Variants in TEP1 observed in about 807,000 individuals in gnomAD.
TEP1 encodes the protein telomerase associated protein 1, also known as telomerase protein component 1.
Under a neutral mutation model 306.3 loss-of-function variants are expected in TEP1, and 241 were observed. That is an observed-to-expected ratio of 0.79 (90% confidence interval 0.71 to 0.88). The LOEUF (loss-of-function observed/expected upper bound fraction) is 0.88, where lower values mean the gene tolerates loss of function less well. Ranked by LOEUF, TEP1 falls within the 40% of genes least tolerant of loss-of-function variation. The probability of loss-of-function intolerance (pLI) is 0.00; values close to 1 mark genes in which losing one functional copy is unlikely to be tolerated. For synonymous variants in TEP1, 1,289 were observed against 1,305.5 expected (o/e 0.99, Z 0.27); for missense variants, 3,051 against 3,276.1 (o/e 0.93, Z 1.68).
intron 41 of TEP1, 48 bp downstream of exon 41, chr14:20,377,232 A>C (rs1885229561): frequency 1.4e-6 from 2 of 1,471,446 alleles, no homozygotes. Context: ...AAAAAAAAGA[A>C]AAGAAAAGAA....
At chr14:20,379,154 C>A in intron 35 of TEP1, 49 bp from the exon 36 acceptor site, 2 of 1,601,470 alleles carry the variant, frequency 1.2e-6, no homozygotes, top group Non-Finnish European at 1.7e-6. Flanking sequence ...CCTTGACCCT[C>A]CAAGTCCCAC....
At chr14:20,377,159 G>A in intron 41 of TEP1, 121 bp downstream of exon 41, 1 of 789,348 alleles carries the variant, frequency 1.3e-6, no homozygotes, top group Non-Finnish European at 1.9e-6. Flanking sequence ...AAGTTGCAGT[G>A]AGCCGAGACC....
rs543245970 is a variant in TEP1, at chr14:20,403,018, G to A, written c.1266+359C>T. Among the ~76,000 whole-genome samples the A allele has an allele frequency of 4.8e-4, 73 of 152,044 alleles. 1 individual carries two copies. The highest frequency in any genetic ancestry group is 1.7e-3 in the African/African-American group (69 of 41,470). ...CTAAAAACACAAAAATTAGCCAAGC[G>A]TGGTGGCACACGCCTGTAGTCCCAG... On this transcript the variant is annotated intron_variant, in intron 7 of 54. Coordinates refer to ENST00000262715, the MANE Select transcript of TEP1 (RefSeq NM_007110.5).
intron 1 of TEP1, among the ~76,000 whole-genome samples, chr14:20,411,671 G>A (rs1205172738): frequency 6.9e-6 from 1 of 145,882 alleles, no homozygotes; most frequent in Non-Finnish European, 1.5e-5. Context: ...AAGCTATGGA[G>A]CTTTTTCACA....
chr14:20,395,396 G>A (rs1878109242), intron 12 of TEP1, 54 bp downstream of exon 12: 2 of 1,499,070 alleles, frequency 1.3e-6, no homozygotes, highest in Non-Finnish European at 1.8e-6. Flanking sequence ...CTTCCAACCT[G>A]TGCCAGGGTA....
At chr14:20,391,893 T>A in intron 12 of TEP1, 126 bp from the exon 13 acceptor site, 1 of 963,172 alleles carries the variant, frequency 1.0e-6, no homozygotes, top group South Asian at 1.6e-5. Flanking sequence ...CATACCCGCT[T>A]CCACAGCCCA....
intron 18 of TEP1, 105 bp from the exon 19 acceptor site, chr14:20,386,728 A>G: frequency 7.8e-7 from 1 of 1,275,410 alleles, no homozygotes; most frequent in Non-Finnish European, 1.0e-6. Flanking sequence ...GCCAGGTACG[A>G]CAGACAGCAG....
In TEP1 at chr14:20,379,066, C is replaced by G; in HGVS notation, c.5167G>C (p.Ala1723Pro). ...SVVSGCDGISACLFLSDDTLF... is the reference protein window; with the variant it reads ...SVVSGCDGISPCLFLSDDTLF... Reference sequence around the variant, plus strand: ...GTATCATCGGAGAGGAACAAACAAGCAGAGATTCCATCACAGCCACTCACC... The same window carrying G: ...GTATCATCGGAGAGGAACAAACAAGGAGAGATTCCATCACAGCCACTCACC... The change falls in exon 36 of 55, where the codon GCT (alanine) becomes CCT (proline). Residue 1723 changes from alanine to proline, a missense_variant. Coordinates refer to ENST00000262715, the MANE Select transcript of TEP1 (RefSeq NM_007110.5). 1.2e-6 allele frequency: 2 copies of G among 1,614,166 alleles called. No individual in the cohort carries two copies. Among genetic ancestry groups the G allele is most frequent in the Non-Finnish European group, 1.7e-6 (2 of 1,180,034 alleles).
chr14:20,403,983 A>G, intron 5 of TEP1, 99 bp from the exon 6 acceptor site: 1 of 1,504,676 alleles, frequency 6.6e-7, no homozygotes, highest in Non-Finnish European at 9.0e-7. Flanking sequence ...AGCACAGAGT[A>G]GCGAGCAAGT....
intron 28 of TEP1, 86 bp downstream of exon 28, chr14:20,382,537 A>T: frequency 6.4e-7 from 1 of 1,564,256 alleles, no homozygotes; most frequent in Non-Finnish European, 8.8e-7. Flanking sequence ...ACAAGACAGC[A>T]AAGGACGTGG....
intron 17 of TEP1, among the ~76,000 whole-genome samples, chr14:20,388,733 T>C (rs1045891023): frequency 5.9e-5 from 9 of 152,204 alleles, no homozygotes; most frequent in African/African-American, 2.2e-4. Flanking sequence ...AATTATGAGG[T>C]AGAAGCTGAG....
In TEP1 at chr14:20,395,450, C is replaced by G; in HGVS notation, c.1928G>C (p.Arg643Thr). 1 of 1,588,988 alleles carries G rather than the reference C, an allele frequency of 6.3e-7. No individual in the cohort carries two copies. The change falls in exon 12 of 55, where the codon AGA (arginine) becomes ACA (threonine). Residue 643 changes from arginine to threonine, a missense_variant and splice_region_variant. Arg to Thr is a moderately conservative substitution (Grantham distance 71). Coordinates refer to ENST00000262715, the MANE Select transcript of TEP1 (RefSeq NM_007110.5). ...TGGCTCCCAGACAGTGCATACATAC[C>G]TGGCCTTGTGTACTCTCAGCTTCTC... The part of the protein sequence containing the change: ...KREKLRVHKA[R>T]QWKYDGEMLN...
intron 17 of TEP1, 81 bp from the exon 18 acceptor site, chr14:20,388,144 A>G: frequency 1.3e-6 from 2 of 1,508,516 alleles, no homozygotes; most frequent in South Asian, 1.2e-5. Context: ...GCAGGGGGAA[A>G]AAGATATGTC....
chr14:20,382,982 T>C (rs1876726078), intron 27 of TEP1, among the ~76,000 whole-genome samples, 192 bp downstream of exon 27: 1 of 152,200 alleles, frequency 6.6e-6, no homozygotes. Context: ...GGAAAGGCCA[T>C]TCACCGGGGG....
intron 1 of TEP1, among the ~76,000 whole-genome samples, chr14:20,408,920 C>G (rs545400168): frequency 2.6e-5 from 4 of 152,144 alleles, no homozygotes; most frequent in African/African-American, 9.6e-5. Context: ...CCCCCTGACC[C>G]CCGCTGCAGG....
At chr14:20,395,689 A>T in intron 11 of TEP1, 62 bp from the exon 12 acceptor site, 1 of 1,559,402 alleles carries the variant, frequency 6.4e-7, no homozygotes, top group Non-Finnish European at 8.7e-7. Context: ...TTTTCCTACC[A>T]GTAATGTGAC....
intron 12 of TEP1, among the ~76,000 whole-genome samples, chr14:20,395,240 G>A (rs190563782): frequency 1.3e-5 from 2 of 152,294 alleles, no homozygotes; most frequent in East Asian, 3.9e-4. Context: ...ATAGAGTGGA[G>A]GTCCAGGAGT....
rs1252148634 is a variant in TEP1, at chr14:20,381,579, T to A, written c.4532A>T (p.Glu1511Val). Residue 1511 changes from glutamate (E) to valine (V), a missense_variant, in exon 31 of 55, where the codon GAG becomes GTG. Glu to Val is a moderately radical substitution (Grantham distance 121). Coordinates refer to ENST00000262715, the MANE Select transcript of TEP1 (RefSeq NM_007110.5). This position sits in a 1 kb window ranked among gnomAD's most constrained non-coding sequence, Gnocchi z 4.0. Reference protein sequence around the residue: ...KRCYGKRPGLEDTAHILIAAQ... With the variant: ...KRCYGKRPGLVDTAHILIAAQ... ...TGCAATGAGGATGTGTGCCGTGTCC[T>A]CTAGCCCTGGCCTCTTCCCATAGCA... The A allele has an allele frequency of 6.2e-7, 1 of 1,613,724 alleles. No individual in the cohort carries two copies. Among genetic ancestry groups the A allele is most frequent in the African/African-American group, 1.3e-5 (1 of 74,934 alleles).
Position 20,381,190 on chromosome 14 carries a change from G to A in TEP1, c.4647+123C>T, listed in dbSNP as rs1236527731. Reference sequence around the variant, plus strand: ...AGGGCAGGAAAACTGAAAGGAAAGAGGTCAAGGGAGTTTGGGAGGGGTAAT... The same window carrying A: ...AGGGCAGGAAAACTGAAAGGAAAGAAGTCAAGGGAGTTTGGGAGGGGTAAT... On this transcript the variant is annotated intron_variant, in intron 32 of 54. Coordinates refer to ENST00000262715, the MANE Select transcript of TEP1 (RefSeq NM_007110.5). The surrounding 1 kb of genome is among the most constrained non-coding windows in gnomAD (Gnocchi z 4.0). 1 of 1,231,230 alleles carries A rather than the reference G, an allele frequency of 8.1e-7. No individual in the cohort carries two copies. Among genetic ancestry groups the A allele is most frequent in the Admixed American group, 1.7e-5 (1 of 59,138 alleles). The allele number at this position is 1,231,230 out of a possible 1,614,324, so 76.3% of individuals were successfully genotyped here. A position where few individuals can be genotyped will look rare whatever the true frequency, so the allele number is the denominator to read the frequency against.
Sources: allele counts gnomAD v4.1 joint callset (sites outside exome capture counted in the v4.1 genomes callset), GRCh38; gene constraint gnomAD v4.1.1; non-coding constraint Gnocchi (gnomAD v3.1); transcripts MANE v1.5; gene names NCBI Gene and HGNC (gene_info 2026-07-23, HGNC 2026-07-21).